SLC7A7: variants seen among roughly 807,000 people sequenced by gnomAD.
SLC7A7 encodes the protein Y+L amino acid transporter 1.
A neutral mutation model predicts 47.9 loss-of-function variants in SLC7A7; 39 were observed. That is an observed-to-expected ratio of 0.81 (90% CI 0.63 to 1.06). SLC7A7 has a LOEUF of 1.06. SLC7A7 is among the 50% of genes least tolerant of loss of function. The pLI, the probability that SLC7A7 is intolerant of heterozygous loss-of-function variation, is 0.00. For missense variants in SLC7A7, 588 were observed against 632.0 expected, an observed-to-expected ratio of 0.93 and a Z score of 0.75; for synonymous variants, 234 against 242.8, an observed-to-expected ratio of 0.96 and a Z score of 0.34.
chr14:22,817,681 T>G (rs1033805902), upstream of SLC7A7, among the ~76,000 whole-genome samples: 1 of 152,228 alleles, frequency 6.6e-6, no homozygotes, highest in African/African-American at 2.4e-5. Flanking sequence ...TTTGCCATGT[T>G]GGCCAGGCCG....
In SLC7A7 at chr14:22,774,347, GCCTTA is replaced by G. The variant is rs2038548948; in HGVS notation, c.1245+2_1245+6del. On this transcript the variant is annotated splice_donor_variant and splice_donor_5th_base_variant and intron_variant, in intron 8 of 9. Transcript: ENST00000674313. LOFTEE classifies it high-confidence loss of function. ...GGTGGAGCAGAGGTAGGATGGAGTTGCCTTACCTTGAGGGGACGAGGTCGATCAGG... is the reference window on the plus strand; with the variant it reads ...GGTGGAGCAGAGGTAGGATGGAGTTGCCTTGAGGGGACGAGGTCGATCAGG... The G allele has an allele frequency of 6.2e-7, 1 of 1,613,998 alleles. No homozygotes were observed. Among genetic ancestry groups the G allele is most frequent in the Non-Finnish European group, 8.5e-7 (1 of 1,180,032 alleles).
intron 4 of SLC7A7, 99 bp from the exon 5 acceptor site, chr14:22,776,417 G>T (rs1566440886): frequency 6.7e-7 from 1 of 1,482,362 alleles, no homozygotes; most frequent in East Asian, 2.3e-5. Flanking sequence ...TCTTTCCAGG[G>T]ATGGAGACTG....
intron 2 of SLC7A7, among the ~76,000 whole-genome samples, chr14:22,809,679 G>T (rs145881480): frequency 6.6e-6 from 1 of 151,780 alleles, no homozygotes; most frequent in African/African-American, 2.4e-5. Flanking sequence ...TTCACGATCC[G>T]CCCATCTTAG....
chr14:22,778,649 C>T, intron 4 of SLC7A7, 144 bp downstream of exon 4: 1 of 793,860 alleles, frequency 1.3e-6, no homozygotes, highest in Non-Finnish European at 2.0e-6. Context: ...CAAGTTACTT[C>T]TCTGAGCCTC....
intron 2 of SLC7A7, among the ~76,000 whole-genome samples, chr14:22,782,620 C>T (rs2038739954): frequency 6.6e-6 from 1 of 151,810 alleles, no homozygotes; most frequent in African/African-American, 2.4e-5. Flanking sequence ...TGCCACCATG[C>T]CTGGCTAATT....
At chr14:22,795,694 C>T (rs1422816388) in intron 2 of SLC7A7, among the ~76,000 whole-genome samples, 3 of 151,236 alleles carry the variant, frequency 2.0e-5, no homozygotes, top group Non-Finnish European at 4.4e-5. Flanking sequence ...AGGATGGTCT[C>T]AATCTCCTGA....
chr14:22,779,089 G>A, intron 3 of SLC7A7, 152 bp from the exon 4 acceptor site: 1 of 908,190 alleles, frequency 1.1e-6, no homozygotes. Context: ...AAGGGAACAG[G>A]AAACAGAAGA....
intron 2 of SLC7A7, among the ~76,000 whole-genome samples, chr14:22,791,747 C>T (rs1485401713): frequency 2.0e-5 from 3 of 152,072 alleles, no homozygotes; most frequent in Non-Finnish European, 2.9e-5. Context: ...TTACCTAAAC[C>T]CAGAGATTTC....
intron 8 of SLC7A7, 111 bp from the exon 9 acceptor site, chr14:22,774,227 A>C: frequency 6.3e-7 from 1 of 1,589,176 alleles, no homozygotes; most frequent in South Asian, 1.1e-5. Flanking sequence ...CATACCTTTA[A>C]TTTCAACACA....
Position 22,774,464 on chromosome 14 carries a change from A to C in SLC7A7, c.1135T>G (p.Phe379Val), listed in dbSNP as rs1241072129. 2 of 1,614,184 alleles carry C rather than the reference A, an allele frequency of 1.2e-6. No individual in the cohort carries two copies. The highest frequency in any genetic ancestry group is 1.7e-6 in the Non-Finnish European group (2 of 1,180,036). ...ALIYLCVEDI[F>V]QLINYYSFSY... The stretch of plus-strand genomic sequence containing the variant: ...AAGCTGTAGTAGTTAATGAGCTGGA[A>C]GATGTCTTCCACGCACAAGTAGATC... The change falls in exon 8 of 10, where the codon TTC becomes GTC. Residue 379 changes from phenylalanine (F) to valine (V), a missense_variant. Physicochemically the swap from Phe to Val is conservative, Grantham distance 50. Coordinates refer to ENST00000674313, the MANE Select transcript of SLC7A7 (RefSeq NM_003982.4).
intron 3 of SLC7A7, 65 bp from the exon 4 acceptor site, chr14:22,779,002 A>G: frequency 2.5e-6 from 4 of 1,598,982 alleles, no homozygotes; most frequent in East Asian, 2.2e-5. Context: ...AAGATGGTCA[A>G]GTAAAGGACT....
chr14:22,784,610 C>T (rs1268397281), intron 2 of SLC7A7, among the ~76,000 whole-genome samples: 2 of 151,280 alleles, frequency 1.3e-5, no homozygotes, highest in Admixed American at 6.6e-5. Flanking sequence ...GAGCAAGACT[C>T]CATCTCAAAA....
At chr14:22,797,533 G>A (rs560340455) in intron 2 of SLC7A7, among the ~76,000 whole-genome samples, 74 of 152,122 alleles carry the variant, frequency 4.9e-4, no homozygotes, top group Non-Finnish European at 7.9e-4. Flanking sequence ...ACAATTACAA[G>A]AATCAGTTGC....
intron 2 of SLC7A7, among the ~76,000 whole-genome samples, chr14:22,787,568 T>G: frequency 6.9e-6 from 1 of 144,752 alleles, no homozygotes. Context: ...CCTGGCAATA[T>G]GGCAAAACCC....
intron 3 of SLC7A7, among the ~76,000 whole-genome samples, chr14:22,779,471 G>GGT (rs879708822): frequency 0.1 from 15,753 of 151,090 alleles, 1,080 homozygotes; most frequent in Middle Eastern, 0.17. Context: ...TTTTTTGGGG[G>GGT]GGGGACAGAG....
intron 3 of SLC7A7, 95 bp from the exon 4 acceptor site, chr14:22,779,032 A>G (rs2139395307): frequency 2.6e-6 from 4 of 1,517,780 alleles, no homozygotes; most frequent in Admixed American, 3.7e-5. Flanking sequence ...TGGTAATATA[A>G]TAGCAGGTAA....
At position 22,797,664 on chromosome 14, in the gene SLC7A7, G is replaced by C. The variant is rs76419419; in HGVS notation, c.499+15236C>G. Among the ~76,000 whole-genome samples, 538 of 152,208 alleles carry C rather than the reference G, an allele frequency of 3.5e-3. 2 individuals are homozygous for C. The highest frequency in any genetic ancestry group is 8.1e-3 in the Admixed American group (124 of 15,272). On this transcript the variant is annotated intron_variant, in intron 2 of 9. Coordinates refer to ENST00000674313, the MANE Select transcript of SLC7A7 (RefSeq NM_003982.4). ...AGTGCATGGAGGCTGCTGCTGGGGT[G>C]GGGGAGGGGAAGCAATATTCCTGAC...
intron 2 of SLC7A7, among the ~76,000 whole-genome samples, chr14:22,797,264 G>T (rs886394207): frequency 5.3e-5 from 8 of 152,132 alleles, no homozygotes; most frequent in Non-Finnish European, 7.3e-5. Context: ...GAGCACTGGG[G>T]CAGTCCACGA....
chr14:22,773,682 C>T lies in SLC7A7; in HGVS notation c.1464G>A (p.Met488Ile). Residue 488 changes from methionine (M) to isoleucine (I), a missense_variant, in exon 10 of 10, where the codon ATG becomes ATA. Coordinates refer to ENST00000674313, the MANE Select transcript of SLC7A7 (RefSeq NM_003982.4). ...SATRYLQVLCMSVAAEMDLED... is the reference protein window; with the variant it reads ...SATRYLQVLCISVAAEMDLED... ...CCAAATCCATTTCTGCAGCAACTGACATACACAGGACCTGGAGGTACCTTG... is the reference window on the plus strand; with the variant it reads ...CCAAATCCATTTCTGCAGCAACTGATATACACAGGACCTGGAGGTACCTTG... 6.2e-7 allele frequency: 1 copy of T among 1,614,198 alleles called. No individual in the cohort carries two copies. Among genetic ancestry groups the T allele is most frequent in the Non-Finnish European group, 8.5e-7 (1 of 1,180,040 alleles).
Sources: allele counts gnomAD v4.1 joint callset (sites outside exome capture counted in the v4.1 genomes callset), GRCh38; gene constraint gnomAD v4.1.1; transcripts MANE v1.5; gene names NCBI Gene and HGNC (gene_info 2026-07-23, HGNC 2026-07-21).